Variants in PIP4K2B observed in about 807,000 individuals in gnomAD.
The protein encoded by PIP4K2B is phosphatidylinositol-5-phosphate 4-kinase type 2 beta, also known as phosphatidylinositol 5-phosphate 4-kinase type-2 beta.
In PIP4K2B, 3 loss-of-function variants were observed where a neutral mutation model predicts 42.0. The observed-to-expected ratio is 0.07, with a 90% CI of 0.03 to 0.18. The LOEUF is 0.18. PIP4K2B is among the 10% of genes least tolerant of loss of function. PIP4K2B has a pLI of 1.00. For missense variants in PIP4K2B, 332 were observed against 562.3 expected (o/e 0.59, Z 4.14); for synonymous variants, 204 against 210.1 (o/e 0.97, Z 0.25).
In PIP4K2B at chr17:38,779,408, G is replaced by T; in HGVS notation, c.629C>A (p.Thr210Asn). 1 of 1,612,502 alleles carries T rather than the reference G, an allele frequency of 6.2e-7. No individual in the cohort carries two copies. The highest frequency in any genetic ancestry group is 8.5e-7 in the Non-Finnish European group (1 of 1,179,512). ...CTTGAGGTCATACTTGCGATGCACA[G>T]TGAGCCGATGGCTGAACACGTTCCT... is the stretch of plus-strand genomic sequence containing the variant. ...VTRNVFSHRL[T>N]VHRKYDLKGS... Residue 210 changes from threonine (T) to asparagine (N), a missense_variant, in exon 5 of 10, where the codon ACT becomes AAT. Coordinates refer to ENST00000619039, the MANE Select transcript of PIP4K2B (RefSeq NM_003559.5).
chr17:38,783,788 A>G lies in PIP4K2B; in HGVS notation c.354+455T>C, dbSNP rs369999768. The stretch of plus-strand genomic sequence containing the variant: ...TCTAATTTTGTATTTTTTAGTAGAG[A>G]CAGGGTTTCACCATGTTGGCCAGGC... On this transcript the variant is annotated intron_variant, in intron 3 of 9. Transcript: ENST00000619039. 4.1e-3 allele frequency among the ~76,000 whole-genome samples: 624 copies of G among 152,180 alleles called. 4 individuals are homozygous for G. Among genetic ancestry groups the G allele is most frequent in the African/African-American group, 0.014 (582 of 41,528 alleles).
chr17:38,789,221 C>T (rs1187845982), intron 1 of PIP4K2B, among the ~76,000 whole-genome samples: 1 of 152,240 alleles, frequency 6.6e-6, no homozygotes, highest in African/African-American at 2.4e-5. Context: ...CTACTGCAAA[C>T]AAACCTTCTG....
intron 3 of PIP4K2B, among the ~76,000 whole-genome samples, chr17:38,781,925 G>A (rs572242629): frequency 2.0e-5 from 3 of 151,886 alleles, no homozygotes; most frequent in African/African-American, 4.8e-5. Context: ...GGATCCTCTC[G>A]CCTCGGCCTC....
At chr17:38,782,840 A>G (rs1421472554) in intron 3 of PIP4K2B, among the ~76,000 whole-genome samples, 1 of 152,056 alleles carries the variant, frequency 6.6e-6, no homozygotes, top group Non-Finnish European at 1.5e-5. Flanking sequence ...TGTGCTATAC[A>G]CTAGGTTTCA....
chr17:38,787,038 CT>C (rs925401160), intron 1 of PIP4K2B, 118 bp from the exon 2 acceptor site: 3 of 762,868 alleles, frequency 3.9e-6, no homozygotes, highest in Admixed American at 2.0e-5. Flanking sequence ...CCCTCTCTGT[CT>C]TTTTTTGTTT....
chr17:38,776,512 G>A, intron 7 of PIP4K2B: 1 of 363,154 alleles, frequency 2.8e-6, no homozygotes, highest in Non-Finnish European at 5.4e-6. Context: ...TATAGTCCCA[G>A]CTACTTGGGA....
At chr17:38,792,622 T>C (rs2143475262) in intron 1 of PIP4K2B, 1 of 152,354 alleles carries the variant, frequency 6.6e-6, no homozygotes, top group Middle Eastern at 3.4e-3. Flanking sequence ...TTTCCTGACA[T>C]GTTCCAGTCC....
intron 5 of PIP4K2B, among the ~76,000 whole-genome samples, chr17:38,778,698 G>A (rs996543534): frequency 9.1e-5 from 8 of 88,132 alleles, no homozygotes; most frequent in African/African-American, 2.3e-4. Context: ...CAGTGGTACA[G>A]GGAGGAGCAG....
Position 38,786,904 on chromosome 17 carries a change from T to C in PIP4K2B, c.176A>G (p.Asn59Ser), listed in dbSNP as rs369069940. ...CATTAGCATGACAGGAACAGGAACA[T>C]TGCTCAGCTCATTGATCTGAAAAGC... ...GVNHTINELS[N>S]VPVPVMLMPD... The change falls in exon 2 of 10, where the codon AAT (asparagine) becomes AGT (serine). Residue 59 changes from asparagine (N) to serine (S), a missense_variant. By Grantham distance (46) the Asn-to-Ser change is conservative. Around this residue, in one of 6 missense-constraint regions of PIP4K2B, gnomAD observed 186 missense variants for 288.4 expected, o/e 0.64. Transcript: ENST00000619039. 32 of 1,612,530 alleles carry C rather than the reference T, an allele frequency of 2.0e-5. No individual in the cohort carries two copies. The highest frequency in any genetic ancestry group is 1.2e-4 in the African/African-American group (9 of 74,898).
intron 3 of PIP4K2B, among the ~76,000 whole-genome samples, chr17:38,781,104 G>A (rs1003496281): frequency 2.0e-4 from 31 of 152,108 alleles, no homozygotes; most frequent in Admixed American, 4.6e-4. Flanking sequence ...GCACAAAGAA[G>A]CAATGCCCAT....
At chr17:38,777,496 A>G (rs1909427535) in intron 7 of PIP4K2B, among the ~76,000 whole-genome samples, 191 bp downstream of exon 7, 1 of 152,244 alleles carries the variant, frequency 6.6e-6, no homozygotes, top group East Asian at 1.9e-4. Flanking sequence ...ACTGGCGCCA[A>G]CTATGCTCCG....
chr17:38,770,389 G>C (rs766569283), intron 9 of PIP4K2B, 47 bp downstream of exon 9: 1 of 1,172,164 alleles, frequency 8.5e-7, no homozygotes, highest in Non-Finnish European at 1.3e-6. Context: ...GGTAAGCACA[G>C]ATGCACCGAC....
rs145468723 is a variant in PIP4K2B at position 38,771,751 on chromosome 17, G to C, written c.808-479C>G. Among the ~76,000 whole-genome samples, 707 of 152,204 alleles carry C rather than the reference G, an allele frequency of 4.6e-3. 7 individuals carry two copies. Among genetic ancestry groups the C allele is most frequent in the African/African-American group, 0.016 (655 of 41,536 alleles). On this transcript the variant is annotated intron_variant, in intron 7 of 9. Transcript: ENST00000619039. The stretch of plus-strand genomic sequence containing the variant: ...GGGATCAAGAGAGGCCATGGTGGCT[G>C]GGCACGGTGGCTCATGCCTGTAATC...
rs1290896078 is a variant in PIP4K2B, at chr17:38,768,127, A to C, written c.*1564T>G. ...CAATCTATTCATTCAAAATGGTTTCACAAGCGATCTTCACATCTTTGGGGT... is the reference window on the plus strand; with the variant it reads ...CAATCTATTCATTCAAAATGGTTTCCCAAGCGATCTTCACATCTTTGGGGT... On this transcript the variant is annotated 3_prime_UTR_variant, in exon 10 of 10. Coordinates refer to ENST00000619039, the MANE Select transcript of PIP4K2B (RefSeq NM_003559.5). 6.6e-6 allele frequency: 1 copy of C among 152,278 alleles called. No individual in the cohort carries two copies. The highest frequency in any genetic ancestry group is 1.5e-5 in the Non-Finnish European group (1 of 68,052). The allele number at this position is 152,278 out of a possible 1,614,324, so 9.4% of individuals were successfully genotyped here.
intron 2 of PIP4K2B, among the ~76,000 whole-genome samples, chr17:38,786,061 C>T (rs1909994484): frequency 6.6e-6 from 1 of 152,178 alleles, no homozygotes; most frequent in African/African-American, 2.4e-5. Flanking sequence ...AGTCAATCTT[C>T]TCCTCTGGAC....
chr17:38,793,218 T>C (rs1188053611), intron 1 of PIP4K2B, among the ~76,000 whole-genome samples: 2 of 146,588 alleles, frequency 1.4e-5, no homozygotes, highest in Non-Finnish European at 3.0e-5. Flanking sequence ...CGTAAGCCAC[T>C]GCTCCCAGCC....
At chr17:38,781,329 A>G (rs1355778474) in intron 3 of PIP4K2B, among the ~76,000 whole-genome samples, 1 of 151,914 alleles carries the variant, frequency 6.6e-6, no homozygotes, top group Non-Finnish European at 1.5e-5. Context: ...TAGAAGCCTT[A>G]AGAGGGAGGG....
chr17:38,795,242 A>C (rs1023492784), intron 1 of PIP4K2B, among the ~76,000 whole-genome samples: 4 of 152,164 alleles, frequency 2.6e-5, no homozygotes, highest in Admixed American at 6.5e-5. Context: ...TAAGAAGATA[A>C]CCCAATTTAA....
chr17:38,782,324 C>T (rs1324645572), intron 3 of PIP4K2B, among the ~76,000 whole-genome samples: 1 of 152,208 alleles, frequency 6.6e-6, no homozygotes, highest in East Asian at 1.9e-4. Flanking sequence ...CCTCCCTGCC[C>T]TCATTTCAGT....
Sources: gnomAD v4.1 joint callset for allele counts (sites outside exome capture counted in the v4.1 genomes callset) on GRCh38, gnomAD v4.1.1 for gene constraint, gnomAD v4.1.1 regional missense constraint, MANE v1.5 for transcripts, NCBI Gene and HGNC (gene_info 2026-07-23, HGNC 2026-07-21) for gene names.